NFATC3: variants seen among roughly 807,000 people sequenced by gnomAD.
The protein encoded by NFATC3 is nuclear factor of activated T-cells, cytoplasmic 3.
Under a neutral mutation model 98.6 loss-of-function variants are expected in NFATC3, and 46 were observed. The ratio of observed to expected loss-of-function variants is 0.47; its 90% CI spans 0.37 to 0.60. NFATC3 has a LOEUF of 0.60. Ranked by LOEUF, NFATC3 falls within the 20% of genes least tolerant of loss-of-function variation. NFATC3 has a pLI of 0.00. For synonymous variants in NFATC3, 512 were observed against 472.2 expected, an observed-to-expected ratio of 1.08 and a Z score of -1.09; for missense variants, 1,256 against 1,295.5, an observed-to-expected ratio of 0.97 and a Z score of 0.47.
At chr16:68,088,656 C>G (rs1217194962) in intron 1 of NFATC3, 1 of 151,962 alleles carries the variant, frequency 6.6e-6, no homozygotes, top group Admixed American at 6.6e-5. Context: ...GCCTCTGCCT[C>G]CTGAGTAGTT....
At chr16:68,208,728 C>CA (rs58876674) in intron 9 of NFATC3, among the ~76,000 whole-genome samples, 9,210 of 142,616 alleles carry the variant, frequency 0.065, 704 homozygotes, top group African/African-American at 0.19. Flanking sequence ...AAAAACAAAC[C>CA]AAAAAAAAAA....
intron 1 of NFATC3, among the ~76,000 whole-genome samples, chr16:68,117,006 C>G (rs1171608132): frequency 6.6e-6 from 1 of 152,108 alleles, no homozygotes. Context: ...CTCTCCTTTT[C>G]TTTGCAGCCA....
intron 3 of NFATC3, among the ~76,000 whole-genome samples, chr16:68,145,098 GCCTGGCCTAACAACCAACTTTTCTTT>G (rs1190014938): frequency 6.6e-6 from 1 of 151,182 alleles, no homozygotes; most frequent in East Asian, 1.9e-4. Context: ...GACCCACTAT[GCCTGGCCTAACAACCAACTTTTCTTT>G]CTCTCTCTCT....
At chr16:68,173,450 C>T (rs1341223246) in intron 5 of NFATC3, among the ~76,000 whole-genome samples, 2 of 151,956 alleles carry the variant, frequency 1.3e-5, no homozygotes, top group Non-Finnish European at 2.9e-5. Flanking sequence ...GCCTGTAATC[C>T]CAGCTACTCA....
intron 1 of NFATC3, among the ~76,000 whole-genome samples, chr16:68,099,654 C>T (rs530052694): frequency 6.6e-6 from 1 of 151,776 alleles, no homozygotes; most frequent in South Asian, 2.1e-4. Flanking sequence ...ACTGTTTCAT[C>T]TCACTAACTT....
chr16:68,216,240 A>G (rs1194930879), intron 9 of NFATC3, among the ~76,000 whole-genome samples: 1 of 152,186 alleles, frequency 6.6e-6, no homozygotes, highest in Non-Finnish European at 1.5e-5. Context: ...TCAGAGGAAA[A>G]TGTACAAAAT....
chr16:68,158,017 G>T lies in NFATC3; in HGVS notation c.1550G>T (p.Ser517Ile), dbSNP rs1056526387. The T allele has an allele frequency of 1.2e-6, 2 of 1,613,428 alleles. No individual in the cohort carries two copies. Among genetic ancestry groups the T allele is most frequent in the Non-Finnish European group, 1.7e-6 (2 of 1,179,736 alleles). ...ATASQEIIIA[S>I]TKVLEIPLLP... is the part of the protein sequence containing the mutation. ...GCAAGCCAAGAGATAATAATTGCCA[G>T]TACAAAAGTTCTGGAAATTCCACTT... The change falls in exon 4 of 10, where the codon AGT becomes ATT. Residue 517 changes from serine to isoleucine, a missense_variant. Coordinates refer to ENST00000346183, the MANE Select transcript of NFATC3 (RefSeq NM_173165.3).
At chr16:68,218,214 C>T (rs1307102633) in intron 9 of NFATC3, 1 of 177,860 alleles carries the variant, frequency 5.6e-6, no homozygotes, top group African/African-American at 2.4e-5. Flanking sequence ...AAGCATGACC[C>T]ACCACACCTG....
intron 1 of NFATC3, among the ~76,000 whole-genome samples, chr16:68,099,159 C>T (rs958954226): frequency 3.9e-5 from 6 of 152,158 alleles, no homozygotes; most frequent in Admixed American, 6.5e-5. Flanking sequence ...CTGGGCCAGG[C>T]GTGGTGGCTC....
At chr16:68,185,556 A>T (rs1567539093) in intron 8 of NFATC3, among the ~76,000 whole-genome samples, 1 of 152,124 alleles carries the variant, frequency 6.6e-6, no homozygotes, top group Non-Finnish European at 1.5e-5. Context: ...TTGATTACTT[A>T]CTACCTTATA....
chr16:68,227,287 A>G lies in NFATC3; in HGVS notation c.*816A>G, dbSNP rs1329286347. ...GTGGGGTTCTAGCTTGGTCACTTTCATTTCTTGCCATCATAAAAACTAGTA... is the reference window on the plus strand; with the variant it reads ...GTGGGGTTCTAGCTTGGTCACTTTCGTTTCTTGCCATCATAAAAACTAGTA... On this transcript the variant is annotated 3_prime_UTR_variant, in exon 10 of 10. Transcript: ENST00000346183. The G allele has an allele frequency of 1.3e-5, 2 of 152,118 alleles. No homozygotes were observed. Among genetic ancestry groups the G allele is most frequent in the Non-Finnish European group, 2.9e-5 (2 of 68,026 alleles). The allele number at this position is 152,118 out of a possible 1,614,324, so 9.4% of individuals were successfully genotyped here. A position where few individuals can be genotyped will look rare whatever the true frequency, so the allele number is the denominator to read the frequency against.
At chr16:68,100,896 T>C (rs2035308231) in intron 1 of NFATC3, among the ~76,000 whole-genome samples, 1 of 144,978 alleles carries the variant, frequency 6.9e-6, no homozygotes, top group Non-Finnish European at 1.5e-5. Context: ...TCTGTGTGTG[T>C]GTGTGTGTGG....
chr16:68,102,457 T>A (rs2035423502), intron 1 of NFATC3, among the ~76,000 whole-genome samples: 1 of 151,152 alleles, frequency 6.6e-6, no homozygotes, highest in Middle Eastern at 3.4e-3. Flanking sequence ...CTAAGTTAGA[T>A]ATCATTTTCT....
intron 9 of NFATC3, among the ~76,000 whole-genome samples, chr16:68,204,391 G>A (rs950655779): frequency 1.3e-5 from 2 of 152,136 alleles, no homozygotes; most frequent in African/African-American, 4.8e-5. Context: ...ATGAATTATG[G>A]TTACTGTTTC....
At chr16:68,194,877 A>C (rs1013241203) in intron 9 of NFATC3, among the ~76,000 whole-genome samples, 2 of 152,230 alleles carry the variant, frequency 1.3e-5, no homozygotes, top group African/African-American at 4.8e-5. Flanking sequence ...TTGCAAAAAC[A>C]GAAGATCTGG....
At chr16:68,145,930 A>T (rs1218491846) in intron 3 of NFATC3, among the ~76,000 whole-genome samples, 1 of 152,196 alleles carries the variant, frequency 6.6e-6, no homozygotes, top group Non-Finnish European at 1.5e-5. Flanking sequence ...CTACAGTTCA[A>T]TATTGTGGGT....
intron 3 of NFATC3, among the ~76,000 whole-genome samples, chr16:68,129,030 G>A (rs1365778966): frequency 6.6e-6 from 1 of 151,794 alleles, no homozygotes; most frequent in African/African-American, 2.4e-5. Context: ...GGGAGTTTGA[G>A]GCTGCTGTGA....
At chr16:68,147,728 T>C (rs2038105522) in intron 3 of NFATC3, among the ~76,000 whole-genome samples, 1 of 150,888 alleles carries the variant, frequency 6.6e-6, no homozygotes, top group East Asian at 1.9e-4. Flanking sequence ...TGCCTAATCA[T>C]TGTTAGCTTC....
At position 68,191,498 on chromosome 16, in the gene NFATC3, A is replaced by G. The variant is rs62636649; in HGVS notation, c.2829A>G (p.Pro943=). ...CTAGTTCACCGCTTTCTGGGCCACC[A>G]TCTCCTCAGCTTCAGCCTATGCCTT... ...PLASSPLSGP[P]SPQLQPMPYQ... The change falls in exon 9 of 10, where the codon CCA becomes CCG. Residue 943 remains proline, a synonymous_variant. Coordinates refer to ENST00000346183, the MANE Select transcript of NFATC3 (RefSeq NM_173165.3). 3,100 of 1,614,006 alleles carry G rather than the reference A, an allele frequency of 1.9e-3. 53 individuals are homozygous for G. The African/African-American group carries it at 0.037, about 19-fold the overall frequency.
Sources: gnomAD v4.1 joint callset for allele counts (sites outside exome capture counted in the v4.1 genomes callset) on GRCh38, gnomAD v4.1.1 for gene constraint, MANE v1.5 for transcripts, NCBI Gene and HGNC (gene_info 2026-07-23, HGNC 2026-07-21) for gene names.